The following ASCC2 variants were observed in gnomAD, a reference collection of about 807,000 sequenced individuals.
ASCC2 encodes the protein ASC-1 complex subunit P100.
A neutral mutation model predicts 93.5 loss-of-function variants in ASCC2; 42 were observed. The ratio of observed to expected loss-of-function variants is 0.45; its 90% CI spans 0.35 to 0.58. ASCC2 has a LOEUF of 0.58. Among genes scored for constraint, ASCC2 ranks in the 20% least tolerant of loss-of-function variants. ASCC2 has a pLI of 0.00. For synonymous variants in ASCC2, 364 were observed against 384.2 expected, an observed-to-expected ratio of 0.95 and a Z score of 0.62; for missense variants, 859 against 977.6, an observed-to-expected ratio of 0.88 and a Z score of 1.62.
chr22:29,815,049 C>T (rs772352052), intron 6 of ASCC2: 6 of 299,700 alleles, frequency 2.0e-5, no homozygotes, highest in Non-Finnish European at 3.1e-5. Context: ...TATCCCCAAA[C>T]TTTGGGAGGC....
At position 29,806,228 on chromosome 22, in the gene ASCC2, G is replaced by A; in HGVS notation, c.1148C>T (p.Ala383Val). The A allele has an allele frequency of 6.2e-7, 1 of 1,614,142 alleles. No homozygotes were observed. The highest frequency in any genetic ancestry group is 8.5e-7 in the Non-Finnish European group (1 of 1,180,020). ...VAEDISLLQQASSVLDETRTA... is the reference protein window; with the variant it reads ...VAEDISLLQQVSSVLDETRTA... ...GGTAGAAGGATACAAGACTGATGAGGCCTGCTGCAGCAAGCTGATGTCTTC... is the reference window on the plus strand; with the variant it reads ...GGTAGAAGGATACAAGACTGATGAGACCTGCTGCAGCAAGCTGATGTCTTC... Residue 383 changes from alanine (A) to valine (V), a missense_variant, in exon 12 of 20, where the codon GCC becomes GTC. Transcript: ENST00000307790.
intron 2 of ASCC2, among the ~76,000 whole-genome samples, chr22:29,828,496 T>G (rs2062730573): frequency 6.6e-6 from 1 of 152,170 alleles, no homozygotes; most frequent in African/African-American, 2.4e-5. Context: ...GAGGCAGGAT[T>G]TGAGCCAAAG....
intron 13 of ASCC2, among the ~76,000 whole-genome samples, chr22:29,803,251 CCAAAAAAAAAA>C (rs1264525402): frequency 1.1e-4 from 6 of 53,562 alleles, no homozygotes; most frequent in Non-Finnish European, 1.9e-4. Flanking sequence ...AACTCCATCT[CCAAAAAAAAAA>C]CAAAAAACAA....
intron 15 of ASCC2, 78 bp from the exon 16 acceptor site, chr22:29,793,754 C>T: frequency 7.3e-7 from 1 of 1,370,926 alleles, no homozygotes; most frequent in South Asian, 1.3e-5. Context: ...GTCCAGAGAC[C>T]ACAGGCTTAA....
intron 5 of ASCC2, chr22:29,821,838 A>T (rs2057882): frequency 0.31 from 106,758 of 345,240 alleles, 17,671 homozygotes; most frequent in East Asian, 0.55. Context: ...ACTAAAAAAA[A>T]TTTTTTTTTA....
intron 7 of ASCC2, 84 bp downstream of exon 7, chr22:29,814,573 G>T: frequency 8.4e-7 from 1 of 1,187,378 alleles, no homozygotes; most frequent in Admixed American, 2.7e-5. Flanking sequence ...TCCTCTACTG[G>T]GGCAATCTTC....
chr22:29,819,588 G>A (rs916592947), intron 5 of ASCC2, among the ~76,000 whole-genome samples: 1 of 152,148 alleles, frequency 6.6e-6, no homozygotes, highest in Non-Finnish European at 1.5e-5. Flanking sequence ...ACACAGCCAG[G>A]AATAGAGCTG....
At position 29,802,754 on chromosome 22, in the gene ASCC2, G is replaced by A. The variant is rs1012408565; in HGVS notation, c.1354-546C>T. ...GCTCAGGAGTTTGAGACCAGCCTGG[G>A]CAACACAGTGAAACCCTGTCTCTAC... On this transcript the variant is annotated intron_variant, in intron 13 of 19. Coordinates refer to ENST00000307790, the MANE Select transcript of ASCC2 (RefSeq NM_032204.5). 1.3e-4 allele frequency among the ~76,000 whole-genome samples: 19 copies of A among 151,516 alleles called. No homozygotes were observed. The East Asian group carries it at 3.7e-3, about 30-fold the overall frequency.
rs557905862 is a variant in ASCC2 at position 29,792,425 on chromosome 22, G to A, written c.2022+8C>T. The A allele has an allele frequency of 1.5e-5, 24 of 1,613,738 alleles. 1 individual carries two copies. In the South Asian group the frequency reaches 2.6e-4, roughly 18 times the overall value. On this transcript the variant is annotated splice_region_variant and intron_variant, in intron 18 of 19. Transcript: ENST00000307790. ...CTCCCCTTCATCTGCTACCTGCCAGGGAGGTACCTTGGGAGCCTCCTCGTC... is the reference window on the plus strand; with the variant it reads ...CTCCCCTTCATCTGCTACCTGCCAGAGAGGTACCTTGGGAGCCTCCTCGTC...
chr22:29,790,889 G>A (rs2057651613), intron 18 of ASCC2, among the ~76,000 whole-genome samples: 1 of 152,144 alleles, frequency 6.6e-6, no homozygotes, highest in East Asian at 1.9e-4. Context: ...GGCTGTGCAG[G>A]GCCCTGAAGA....
chr22:29,823,185 C>T (rs2061812975), intron 4 of ASCC2, among the ~76,000 whole-genome samples: 1 of 151,994 alleles, frequency 6.6e-6, no homozygotes, highest in African/African-American at 2.4e-5. Flanking sequence ...ATTACAGGAG[C>T]TCGCCACCAC....
rs540523719 is a variant in ASCC2, at chr22:29,789,669, G to T, written c.2103-485C>A. On this transcript the variant is annotated intron_variant, in intron 19 of 19. Transcript: ENST00000307790. Reference sequence around the variant, plus strand: ...GCCAGAGCTCCGCACTCAGGGGGCTGGGATGGATGAGAAGTCAGGGTTGCT... The same window carrying T: ...GCCAGAGCTCCGCACTCAGGGGGCTTGGATGGATGAGAAGTCAGGGTTGCT... 5.8e-4 allele frequency among the ~76,000 whole-genome samples: 89 copies of T among 152,324 alleles called. 1 individual carries two copies. The highest frequency in any genetic ancestry group is 1.2e-3 in the Non-Finnish European group (80 of 68,022).
rs143313778 is a variant in ASCC2, at chr22:29,799,606, G to A, written c.1688+1385C>T. On this transcript the variant is annotated intron_variant, in intron 15 of 19. Coordinates refer to ENST00000307790, the MANE Select transcript of ASCC2 (RefSeq NM_032204.5). Reference sequence around the variant, plus strand: ...TCTGAACCTCACGGTCCCCATTCACGTGATGGTGAAAGAGCAGCCTGTACT... The same window carrying A: ...TCTGAACCTCACGGTCCCCATTCACATGATGGTGAAAGAGCAGCCTGTACT... 7.1e-4 allele frequency among the ~76,000 whole-genome samples: 108 copies of A among 152,346 alleles called. 1 individual carries two copies. The highest frequency in any genetic ancestry group is 1.9e-3 in the Admixed American group (29 of 15,304).
At chr22:29,806,143 G>T in intron 12 of ASCC2, 73 bp downstream of exon 12, 1 of 1,520,768 alleles carries the variant, frequency 6.6e-7, no homozygotes, top group Non-Finnish European at 9.1e-7. Flanking sequence ...ACTCCTCTGG[G>T]TTCCAGCAGC....
chr22:29,802,716 G>A (rs981900844), intron 13 of ASCC2, among the ~76,000 whole-genome samples: 2 of 152,062 alleles, frequency 1.3e-5, no homozygotes, highest in African/African-American at 2.4e-5. Context: ...GCCGAGACGG[G>A]TGGACTGCCT....
chr22:29,796,429 A>C (rs186714795), intron 15 of ASCC2, among the ~76,000 whole-genome samples: 1 of 152,230 alleles, frequency 6.6e-6, no homozygotes, highest in African/African-American at 2.4e-5. Context: ...GTCAACACGA[A>C]ATGTGCTGAA....
At chr22:29,802,853 C>T (rs1255391831) in intron 13 of ASCC2, among the ~76,000 whole-genome samples, 1 of 152,074 alleles carries the variant, frequency 6.6e-6, no homozygotes, top group Non-Finnish European at 1.5e-5. Flanking sequence ...GGGAGGATTA[C>T]TTGATCCCAG....
At position 29,789,163 on chromosome 22, in the gene ASCC2, T is replaced by C; in HGVS notation, c.2124A>G (p.Thr708=). The change falls in exon 20 of 20, where the codon ACA becomes ACG. Residue 708 remains threonine (T), a synonymous_variant. Transcript: ENST00000307790. ...GGCCTCGGGGGCTGCCGGCCACTGCTGTTGAGCTGTCATGCCGGTACCTGA... is the reference window on the plus strand; with the variant it reads ...GGCCTCGGGGGCTGCCGGCCACTGCCGTTGAGCTGTCATGCCGGTACCTGA... ...AKKGYRHDSS[T]AVAGSPRGHG... The C allele has an allele frequency of 6.2e-7, 1 of 1,614,054 alleles. No individual in the cohort carries two copies. The highest frequency in any genetic ancestry group is 8.5e-7 in the Non-Finnish European group (1 of 1,179,982).
At position 29,822,300 on chromosome 22, in the gene ASCC2, C is replaced by A. The variant is rs780556746; in HGVS notation, c.541+35G>T. 17 of 1,610,926 alleles carry A rather than the reference C, an allele frequency of 1.1e-5. No homozygotes were observed. In the South Asian group the frequency reaches 1.9e-4, roughly 18 times the overall value. On this transcript the variant is annotated intron_variant, in intron 5 of 19. Coordinates refer to ENST00000307790, the MANE Select transcript of ASCC2 (RefSeq NM_032204.5). ...CTTTAGTTTGGCATGTGGGGGCCATCTTGGTGCATCCTCCCAGTCCTGCAT... is the reference window on the plus strand; with the variant it reads ...CTTTAGTTTGGCATGTGGGGGCCATATTGGTGCATCCTCCCAGTCCTGCAT...
Sources: allele counts gnomAD v4.1 joint callset (sites outside exome capture counted in the v4.1 genomes callset), GRCh38; gene constraint gnomAD v4.1.1; transcripts MANE v1.5; gene names NCBI Gene and HGNC (gene_info 2026-07-23, HGNC 2026-07-21).